ASAH2: variants seen among roughly 807,000 people sequenced by gnomAD.
The protein encoded by ASAH2 is N-acylsphingosine amidohydrolase 2.
Under a neutral mutation model 82.9 loss-of-function variants are expected in ASAH2, and 58 were observed. That is an observed-to-expected ratio of 0.70 (90% CI 0.57 to 0.87). The LOEUF is 0.87. Among genes scored for constraint, ASAH2 ranks in the 40% least tolerant of loss-of-function variants. ASAH2 has a pLI of 0.00. For synonymous variants in ASAH2, 276 were observed against 289.7 expected (o/e 0.95, Z 0.48); for missense variants, 779 against 834.0 (o/e 0.93, Z 0.81).
At chr10:50,233,036 A>AC in intron 7 of ASAH2, 148 bp downstream of exon 7, 1 of 729,678 alleles carries the variant, frequency 1.4e-6, no homozygotes, top group Admixed American at 2.1e-5. Context: ...CCTTGGCTGG[A>AC]CCCCAGTTGT....
intron 12 of ASAH2, among the ~76,000 whole-genome samples, chr10:50,208,104 C>T (rs1845352721): frequency 6.6e-6 from 1 of 151,802 alleles, no homozygotes; most frequent in African/African-American, 2.4e-5. Flanking sequence ...TGCCAAAAAA[C>T]TAATACCATT....
At chr10:50,236,766 A>G (rs2133227052) in intron 4 of ASAH2, among the ~76,000 whole-genome samples, 1 of 152,266 alleles carries the variant, frequency 6.6e-6, no homozygotes. Context: ...GAATTATACA[A>G]AAGTTAAATA....
intron 16 of ASAH2, among the ~76,000 whole-genome samples, chr10:50,201,570 G>T (rs1845149017): frequency 6.6e-6 from 1 of 152,058 alleles, no homozygotes; most frequent in African/African-American, 2.4e-5. Flanking sequence ...ATACTGCAGG[G>T]GGGTTCAGGG....
chr10:50,226,854 C>T (rs1296417326), intron 7 of ASAH2, among the ~76,000 whole-genome samples: 3 of 152,118 alleles, frequency 2.0e-5, no homozygotes, highest in African/African-American at 7.2e-5. Flanking sequence ...ATAATCTCCA[C>T]CTTTTAATGG....
At chr10:50,237,562 C>T (rs928627566) in intron 4 of ASAH2, among the ~76,000 whole-genome samples, 1 of 152,040 alleles carries the variant, frequency 6.6e-6, no homozygotes, top group Non-Finnish European at 1.5e-5. Context: ...AATTTTTAGG[C>T]GATTTGTTGT....
At chr10:50,207,999 T>C (rs1845348933) in intron 12 of ASAH2, among the ~76,000 whole-genome samples, 1 of 151,910 alleles carries the variant, frequency 6.6e-6, no homozygotes, top group Non-Finnish European at 1.5e-5. Flanking sequence ...GAATACAAAG[T>C]TGGTTAAACA....
chr10:50,229,383 T>C (rs1430406675), intron 7 of ASAH2, among the ~76,000 whole-genome samples: 3 of 152,324 alleles, frequency 2.0e-5, no homozygotes, highest in African/African-American at 7.2e-5. Context: ...GCAATATTTT[T>C]CTGACATAGA....
intron 12 of ASAH2, among the ~76,000 whole-genome samples, chr10:50,209,059 A>T (rs1203359662): frequency 6.6e-6 from 1 of 152,196 alleles, no homozygotes; most frequent in Admixed American, 6.5e-5. Flanking sequence ...CTTTCCAATA[A>T]GTGGTGCTAG....
intron 5 of ASAH2, among the ~76,000 whole-genome samples, chr10:50,235,662 C>T (rs1316556663): frequency 6.6e-6 from 1 of 152,094 alleles, no homozygotes; most frequent in Non-Finnish European, 1.5e-5. Context: ...CTACATTGGG[C>T]TTAGTCCCAT....
intron 6 of ASAH2, 140 bp from the exon 7 acceptor site, chr10:50,233,401 T>C: frequency 2.9e-6 from 2 of 678,658 alleles, no homozygotes; most frequent in Non-Finnish European, 5.4e-6. Context: ...TTCTGTGAAC[T>C]GTATCCAGTA....
intron 8 of ASAH2, among the ~76,000 whole-genome samples, chr10:50,215,541 A>G (rs983417192): frequency 7.2e-5 from 11 of 152,202 alleles, no homozygotes; most frequent in African/African-American, 2.4e-4. Context: ...TCCCAACACC[A>G]TTTATTAAAC....
intron 1 of ASAH2, among the ~76,000 whole-genome samples, chr10:50,250,431 A>G (rs1405884380): frequency 6.6e-6 from 1 of 152,190 alleles, no homozygotes; most frequent in African/African-American, 2.4e-5. Context: ...AGCAGCAGGG[A>G]CAACTTCAAA....
rs561626247 is a variant in ASAH2, at chr10:50,242,611, G to A, written c.510+591C>T. 2.3e-3 allele frequency among the ~76,000 whole-genome samples: 334 copies of A among 144,748 alleles called. 2 individuals carry two copies. Among genetic ancestry groups the A allele is most frequent in the African/African-American group, 7.5e-3 (311 of 41,288 alleles). The allele number at this position is 144,748 out of a possible 152,430, so 95.0% of individuals were successfully genotyped here. On this transcript the variant is annotated intron_variant, in intron 4 of 20. Transcript: ENST00000682911. ...AAGTTTATCGTTCACTGGCTTGGTT[G>A]GTTGCTTGCTCGCTTTCTATCTCTC...
chr10:50,241,724 T>C (rs927862249), intron 4 of ASAH2, among the ~76,000 whole-genome samples: 1 of 152,096 alleles, frequency 6.6e-6, no homozygotes, highest in Non-Finnish European at 1.5e-5. Flanking sequence ...AAAGGGTGAG[T>C]TCATGTCCTT....
chr10:50,228,753 G>A (rs1364139332), intron 7 of ASAH2, among the ~76,000 whole-genome samples: 1 of 151,832 alleles, frequency 6.6e-6, no homozygotes, highest in Admixed American at 6.6e-5. Context: ...GGAGAGGAGA[G>A]GAGAAGAGAA....
intron 4 of ASAH2, among the ~76,000 whole-genome samples, chr10:50,238,509 C>T (rs1846213195): frequency 1.3e-5 from 2 of 152,148 alleles, no homozygotes; most frequent in East Asian, 1.9e-4. Flanking sequence ...CAATCCCCCA[C>T]CACTCTCGCA....
chr10:50,203,638 A>C lies in ASAH2; in HGVS notation c.1665+2T>G, dbSNP rs942926439. On this transcript the variant is annotated splice_donor_variant, in intron 15 of 20. Coordinates refer to ENST00000682911, the MANE Select transcript of ASAH2 (RefSeq NM_019893.4). LOFTEE classifies it high-confidence loss of function. The stretch of plus-strand genomic sequence containing the variant: ...AGATATGTTATTTTATTTTTAACTT[A>C]CTGCTTGAACTGCCTCTCGAAGTCT... 2 of 1,611,738 alleles carry C rather than the reference A, an allele frequency of 1.2e-6. No homozygotes were observed. Among genetic ancestry groups the C allele is most frequent in the Admixed American group, 1.7e-5 (1 of 59,862 alleles).
chr10:50,207,214 A>G (rs2133203975), intron 12 of ASAH2, among the ~76,000 whole-genome samples: 1 of 152,016 alleles, frequency 6.6e-6, no homozygotes, highest in East Asian at 1.9e-4. Flanking sequence ...AAATGCCCAT[A>G]TATTAAGAAA....
At chr10:50,240,545 C>T in intron 4 of ASAH2, 2 of 702,268 alleles carry the variant, frequency 2.8e-6, no homozygotes, top group East Asian at 5.4e-5. Flanking sequence ...TCTCAGAGTC[C>T]ATATCACCCA....
Sources: allele counts gnomAD v4.1 joint callset (sites outside exome capture counted in the v4.1 genomes callset), GRCh38; gene constraint gnomAD v4.1.1; transcripts MANE v1.5; gene names NCBI Gene and HGNC (gene_info 2026-07-23, HGNC 2026-07-21).